The following SCN4A variants were observed in gnomAD, a reference collection of about 807,000 sequenced individuals.
SCN4A encodes the protein sodium voltage-gated channel alpha subunit 4.
A neutral mutation model predicts 162.0 loss-of-function variants in SCN4A; 83 were observed. That is an observed-to-expected ratio of 0.51 (90% CI 0.43 to 0.61). The LOEUF (loss-of-function observed/expected upper bound fraction) is 0.61, where lower values mean the gene tolerates loss of function less well. Among genes scored for constraint, SCN4A ranks in the 20% least tolerant of loss-of-function variants. The pLI is 0.00. For missense variants in SCN4A, 2,196 were observed against 2,462.5 expected, an observed-to-expected ratio of 0.89 and a Z score of 2.29; for synonymous variants, 944 against 985.1, an observed-to-expected ratio of 0.96 and a Z score of 0.78.
At chr17:63,955,335 C>T (rs979656887) in intron 13 of SCN4A, among the ~76,000 whole-genome samples, 1 of 152,236 alleles carries the variant, frequency 6.6e-6, no homozygotes, top group Non-Finnish European at 1.5e-5. Context: ...AGGAGCATCG[C>T]CCTGGTGGCG....
In SCN4A at chr17:63,957,287, A is replaced by C; in HGVS notation, c.2251T>G (p.Phe751Val). The C allele has an allele frequency of 1.2e-6, 2 of 1,614,168 alleles. No homozygotes were observed. The highest frequency in any genetic ancestry group is 1.7e-6 in the Non-Finnish European group (2 of 1,179,986). Residue 751 changes from phenylalanine to valine, a missense_variant, in exon 13 of 24, where the codon TTC (phenylalanine) becomes GTC (valine). Transcript: ENST00000435607. ...CACAGGATGCGGAAGACGATGAGGA[A>C]GGAGTGGAAGAAATCATGCATGTGC... The part of the protein sequence containing the change: ...RWHMHDFFHS[F>V]LIVFRILCGE...
In SCN4A at chr17:63,971,169, G is replaced by A. The variant is rs891779176; in HGVS notation, c.696C>T (p.Val232=). The change falls in exon 5 of 24, where the codon GTC becomes GTT. Residue 232 remains valine, a synonymous_variant. Coordinates refer to ENST00000435607, the MANE Select transcript of SCN4A (RefSeq NM_000334.4). ...CCTGCACCTCCCCAGTACCTGGGAT[G>A]ACCGTGATGGTTTTGAGGGCCCGCA... ...RVLRALKTIT[V]IPGLKTIVGA... The A allele has an allele frequency of 5.1e-6, 8 of 1,557,776 alleles. 1 individual carries two copies. In the South Asian group the frequency reaches 7.1e-5, roughly 14 times the overall value.
rs60911788 is a variant in SCN4A, at chr17:63,961,136, G to A, written c.1845+57C>T. The stretch of plus-strand genomic sequence containing the variant: ...TTACATACAGCCAGACAGCTCCACT[G>A]GGCCCTACCCCCTCCCATCCTGCCC... On this transcript the variant is annotated intron_variant, in intron 11 of 23. Transcript: ENST00000435607. The A allele has an allele frequency of 2.9e-3, 3,190 of 1,116,898 alleles. 72 individuals carry two copies. The African/African-American group carries it at 0.044, about 15-fold the overall frequency. The allele number at this position is 1,116,898 out of a possible 1,614,324, so 69.2% of individuals were successfully genotyped here.
Position 63,940,674 on chromosome 17 carries a change from C to A in SCN4A, c.*97G>T. On this transcript the variant is annotated 3_prime_UTR_variant, in exon 24 of 24. Coordinates refer to ENST00000435607, the MANE Select transcript of SCN4A (RefSeq NM_000334.4). ...CCCATCAGGGAGCCAGGCACAGTCC[C>A]AGATTCAAAGCCCTCCTCCCTCACT... 7.0e-7 allele frequency: 1 copy of A among 1,437,514 alleles called. No individual in the cohort carries two copies. 89.0% of individuals were successfully genotyped at this position (1,437,514 alleles called of 1,614,324 possible).
Position 63,945,126 on chromosome 17 carries a change from C to T in SCN4A, c.3721-66G>A. On this transcript the variant is annotated intron_variant, in intron 19 of 23. Coordinates refer to ENST00000435607, the MANE Select transcript of SCN4A (RefSeq NM_000334.4). This position sits in a 1 kb window ranked among gnomAD's most constrained non-coding sequence, Gnocchi z 4.4. ...CCTGCTTTCATCATCCATGAGTTTC[C>T]CTCCCCCACCCAACCTGGTCCTCCC... 1.3e-6 allele frequency: 2 copies of T among 1,523,958 alleles called. No homozygotes were observed. Among genetic ancestry groups the T allele is most frequent in the Non-Finnish European group, 1.8e-6 (2 of 1,105,396 alleles). The allele number at this position is 1,523,958 out of a possible 1,614,324, so 94.4% of individuals were successfully genotyped here. A position where few individuals can be genotyped will look rare whatever the true frequency, so the allele number is the denominator to read the frequency against.
At position 63,951,314 on chromosome 17, in the gene SCN4A, C is replaced by A. The variant is rs1226210681; in HGVS notation, c.2853+110G>T. 1.9e-5 allele frequency: 14 copies of A among 740,368 alleles called. No individual in the cohort carries two copies. In the East Asian group the frequency reaches 3.2e-4, roughly 17 times the overall value. 45.9% of individuals were successfully genotyped at this position (740,368 alleles called of 1,614,324 possible). ...TGCTTGCAACAATGCCATAGGGCAC[C>A]ACCCCCATTTTACAGCTGGAGAAAC... On this transcript the variant is annotated intron_variant, in intron 14 of 23. Transcript: ENST00000435607. This position sits in a 1 kb window ranked among gnomAD's most constrained non-coding sequence, Gnocchi z 4.5.
chr17:63,951,475 C>T lies in SCN4A; in HGVS notation c.2802G>A (p.Glu934=), dbSNP rs371920760. The T allele has an allele frequency of 6.2e-7, 1 of 1,610,684 alleles. No homozygotes were observed. The highest frequency in any genetic ancestry group is 1.3e-5 in the African/African-American group (1 of 74,846). Residue 934 remains glutamate (E), a synonymous_variant, in exon 14 of 24, where the codon GAG becomes GAA. Transcript: ENST00000435607. The surrounding 1 kb of genome is among the most constrained non-coding windows in gnomAD (Gnocchi z 4.5). ...VPIASEESDL[E]MPTEEETDTF... is the part of the protein sequence containing the mutation. ...TGTCGGTTTCCTCCTCGGTGGGCAT[C>T]TCCAGGTCGGACTCCTCGGAGGCGA...
intron 6 of SCN4A, among the ~76,000 whole-genome samples, chr17:63,967,355 G>A (rs1356971207): frequency 6.6e-6 from 1 of 152,028 alleles, no homozygotes; most frequent in Admixed American, 6.5e-5. Flanking sequence ...GTTTCACCAC[G>A]TTGGTCAGGC....
At chr17:63,958,551 T>C (rs1419631326) in intron 12 of SCN4A, among the ~76,000 whole-genome samples, 2 of 152,022 alleles carry the variant, frequency 1.3e-5, no homozygotes, top group Non-Finnish European at 2.9e-5. Flanking sequence ...TTGATAAAGT[T>C]TGTTGTTGTT....
chr17:63,959,709 C>T (rs1241575106), intron 11 of SCN4A, among the ~76,000 whole-genome samples: 2 of 152,200 alleles, frequency 1.3e-5, no homozygotes, highest in Non-Finnish European at 2.9e-5. Flanking sequence ...GCACTTCACT[C>T]CTTGGAGACC....
At position 63,941,403 on chromosome 17, in the gene SCN4A, A is replaced by C; in HGVS notation, c.4879T>G (p.Phe1627Val). ...ATGAACTGGGTGGCGTCGGGGTCGA[A>C]CTTCTCCCATGTCTCGTAGAACATC... is the stretch of plus-strand genomic sequence containing the variant. ...FEMFYETWEKFDPDATQFIAY... is the reference protein window; with the variant it reads ...FEMFYETWEKVDPDATQFIAY... Residue 1627 changes from phenylalanine (F) to valine (V), a missense_variant, in exon 24 of 24, where the codon TTC becomes GTC. Coordinates refer to ENST00000435607, the MANE Select transcript of SCN4A (RefSeq NM_000334.4). The surrounding 1 kb of genome is among the most constrained non-coding windows in gnomAD (Gnocchi z 6.2). 1.2e-6 allele frequency: 2 copies of C among 1,613,770 alleles called. No individual in the cohort carries two copies. Among genetic ancestry groups the C allele is most frequent in the Non-Finnish European group, 1.7e-6 (2 of 1,179,926 alleles).
rs1909239608 is a variant in SCN4A at position 63,961,184 on chromosome 17, C to T, written c.1845+9G>A. 3 of 1,373,728 alleles carry T rather than the reference C, an allele frequency of 2.2e-6. No homozygotes were observed. The highest frequency in any genetic ancestry group is 1.7e-5 in the Admixed American group (1 of 58,646). The allele number at this position is 1,373,728 out of a possible 1,614,324, so 85.1% of individuals were successfully genotyped here. A position where few individuals can be genotyped will look rare whatever the true frequency, so the allele number is the denominator to read the frequency against. On this transcript the variant is annotated intron_variant, in intron 11 of 23. Coordinates refer to ENST00000435607, the MANE Select transcript of SCN4A (RefSeq NM_000334.4). ...CCCATGAATGATCCCCTCCCCCGCC[C>T]CTCCCTACCAGGTTGCCCACAGTGA...
intron 17 of SCN4A, 21 bp downstream of exon 17, chr17:63,947,869 G>A: frequency 6.2e-7 from 1 of 1,611,366 alleles, no homozygotes; most frequent in Admixed American, 1.7e-5. Context: ...GTAGCTACGG[G>A]GCCAGCGTGG....
chr17:63,940,828 A>C lies in SCN4A; in HGVS notation c.5454T>G (p.Pro1818=). ...MPISPSDTAW[P]PAPPPGQTVR... ...CAGTCTGCCCTGGGGGAGGGGCGGG[A>C]GGCCAGGCAGTGTCTGAGGGGCTGA... Residue 1818 remains proline, a synonymous_variant, in exon 24 of 24, where the codon CCT becomes CCG. Transcript: ENST00000435607. 1 of 1,606,038 alleles carries C rather than the reference A, an allele frequency of 6.2e-7. No individual in the cohort carries two copies. The highest frequency in any genetic ancestry group is 8.5e-7 in the Non-Finnish European group (1 of 1,174,754).
chr17:63,953,317 G>A (rs867300744), intron 13 of SCN4A, among the ~76,000 whole-genome samples: 2 of 147,574 alleles, frequency 1.4e-5, no homozygotes, highest in African/African-American at 5.0e-5. Context: ...TCGAGATCAC[G>A]CCATTGCACT....
intron 14 of SCN4A, 125 bp from the exon 15 acceptor site, chr17:63,949,653 A>G: frequency 1.5e-5 from 17 of 1,108,078 alleles, no homozygotes; most frequent in Non-Finnish European, 2.1e-5. Flanking sequence ...AAACTCATCC[A>G]TTCATTCATT....
intron 8 of SCN4A, among the ~76,000 whole-genome samples, 159 bp from the exon 9 acceptor site, chr17:63,964,836 T>C (rs1909388707): frequency 6.6e-6 from 1 of 152,174 alleles, no homozygotes; most frequent in African/African-American, 2.4e-5. Context: ...TGAGCCATGT[T>C]CTGGGGAACT....
At chr17:63,959,167 T>C in intron 12 of SCN4A, 98 bp downstream of exon 12, 1 of 1,133,662 alleles carries the variant, frequency 8.8e-7, no homozygotes, top group Non-Finnish European at 1.3e-6. Context: ...TTCAGCCCTC[T>C]AGCTTCCTGG....
rs201295224 is a variant in SCN4A at position 63,944,790 on chromosome 17, G to T, written c.3795C>A (p.Tyr1265Ter). The T allele has an allele frequency of 1.9e-6, 3 of 1,613,852 alleles. No homozygotes were observed. The highest frequency in any genetic ancestry group is 1.7e-6 in the Non-Finnish European group (2 of 1,179,820). Residue 1265 changes from tyrosine (Y) to a stop codon, truncating the protein, a stop_gained, in exon 21 of 24, where the codon TAC (tyrosine) becomes TAA (stop). Coordinates refer to ENST00000435607, the MANE Select transcript of SCN4A (RefSeq NM_000334.4). LOFTEE classifies it high-confidence loss of function. The surrounding 1 kb of genome is among the most constrained non-coding windows in gnomAD (Gnocchi z 4.3). The stretch of plus-strand genomic sequence containing the variant: ...AGAGGTACATGTAGAGGTTCACCTC[G>T]TACTGCGGCTGCTCCTCCTTCTGTG... ...DSREKEEQPQ[Y>*]EVNLYMYLYF...
Sources: gnomAD v4.1 joint callset for allele counts (sites outside exome capture counted in the v4.1 genomes callset) on GRCh38, gnomAD v4.1.1 for gene constraint, Gnocchi (gnomAD v3.1) non-coding constraint, MANE v1.5 for transcripts, NCBI Gene and HGNC (gene_info 2026-07-23, HGNC 2026-07-21) for gene names.